KATNAL2: variants seen among roughly 807,000 people sequenced by gnomAD.
The protein encoded by KATNAL2 is katanin catalytic subunit A1 like 2.
Under a neutral mutation model 76.3 loss-of-function variants are expected in KATNAL2, and 52 were observed. That is an observed-to-expected ratio of 0.68 (90% confidence interval 0.55 to 0.86). KATNAL2 has a LOEUF of 0.86. Among genes scored for constraint, KATNAL2 ranks in the 40% least tolerant of loss-of-function variants. The pLI is 0.00. For missense variants in KATNAL2, 660 were observed against 668.9 expected, an observed-to-expected ratio of 0.99 and a Z score of 0.15; for synonymous variants, 243 against 244.2, an observed-to-expected ratio of 1.00 and a Z score of 0.05.
intron 16 of KATNAL2, 105 bp downstream of exon 16, chr18:47,099,510 A>G (rs2063383332): frequency 8.9e-7 from 1 of 1,122,202 alleles, no homozygotes; most frequent in South Asian, 1.7e-5. Flanking sequence ...GACACTTAGA[A>G]TAAGATCCAA....
intron 1 of KATNAL2, among the ~76,000 whole-genome samples, chr18:46,923,447 C>A (rs889110671): frequency 1.3e-5 from 2 of 152,082 alleles, no homozygotes; most frequent in African/African-American, 4.8e-5. Flanking sequence ...ATATGTGCCA[C>A]ATTTTCTTAA....
intron 4 of KATNAL2, 102 bp from the exon 5 acceptor site, chr18:47,052,778 G>A: frequency 2.3e-6 from 2 of 881,556 alleles, no homozygotes; most frequent in Admixed American, 3.0e-5. Context: ...GCTATATATA[G>A]GCTTACTTTT....
intron 1 of KATNAL2, among the ~76,000 whole-genome samples, chr18:46,923,125 A>C (rs1168758521): frequency 1.3e-5 from 2 of 151,138 alleles, no homozygotes; most frequent in Non-Finnish European, 3.0e-5. Context: ...CAGGTTTGTT[A>C]CATATGTATA....
chr18:46,941,629 A>T (rs2146628749), intron 1 of KATNAL2, among the ~76,000 whole-genome samples: 1 of 152,152 alleles, frequency 6.6e-6, no homozygotes, highest in South Asian at 2.1e-4. Context: ...ACAGGGTCTC[A>T]CTCCTGTTGA....
At chr18:46,965,828 C>T in intron 3 of KATNAL2, among the ~76,000 whole-genome samples, 1 of 139,496 alleles carries the variant, frequency 7.2e-6, no homozygotes, top group South Asian at 2.4e-4. Flanking sequence ...GATACTGGTG[C>T]CACGGTTTGG....
At chr18:47,069,371 C>G in intron 12 of KATNAL2, 88 bp downstream of exon 12, 1 of 1,346,238 alleles carries the variant, frequency 7.4e-7, no homozygotes, top group South Asian at 1.3e-5. Context: ...AGGACTGGGG[C>G]ACACGAGAGC....
intron 3 of KATNAL2, chr18:47,032,951 T>C (rs1261826670): frequency 2.5e-6 from 4 of 1,612,908 alleles, no homozygotes; most frequent in South Asian, 1.1e-5. Context: ...CCGCATTGAC[T>C]TTGCCAATGC....
intron 1 of KATNAL2, among the ~76,000 whole-genome samples, chr18:46,919,223 A>G (rs2058368134): frequency 6.6e-6 from 1 of 151,938 alleles, no homozygotes; most frequent in African/African-American, 2.4e-5. Context: ...GCTGTGGCCC[A>G]CGCTCTAAAT....
chr18:47,065,400 C>G (rs2061758029), intron 10 of KATNAL2, among the ~76,000 whole-genome samples: 1 of 140,718 alleles, frequency 7.1e-6, no homozygotes, highest in Admixed American at 7.9e-5. Flanking sequence ...TTCCCAAGAT[C>G]GACTGTGGGA....
intron 1 of KATNAL2, among the ~76,000 whole-genome samples, chr18:46,938,308 A>G (rs1487057480): frequency 6.6e-6 from 1 of 152,198 alleles, no homozygotes; most frequent in Non-Finnish European, 1.5e-5. Context: ...TTACATGTGA[A>G]TGGTGACTAT....
chr18:47,048,917 C>T (rs2061251921), intron 4 of KATNAL2, among the ~76,000 whole-genome samples: 1 of 142,332 alleles, frequency 7.0e-6, no homozygotes, highest in Admixed American at 7.9e-5. Flanking sequence ...TCACTGCAAG[C>T]TCCGCCTCCT....
intron 3 of KATNAL2, among the ~76,000 whole-genome samples, chr18:46,948,359 C>T (rs901141825): frequency 6.6e-6 from 1 of 151,676 alleles, no homozygotes; most frequent in Admixed American, 6.6e-5. Flanking sequence ...CAATCTTCCC[C>T]CCTCAGCCTC....
In KATNAL2 at chr18:46,938,703, C is replaced by G. The variant is rs375762802; in HGVS notation, c.-509-7354C>G. Among the ~76,000 whole-genome samples, 6 of 151,990 alleles carry G rather than the reference C, an allele frequency of 3.9e-5. No individual in the cohort carries two copies. The South Asian group carries it at 6.2e-4, about 16-fold the overall frequency. On this transcript the variant is annotated intron_variant, in intron 1 of 17. Transcript: ENST00000683218. ...ATAAATATAAATTAGATCTCACCAC[C>G]CTCCTATTCAAAATCTTTCAATGGG...
intron 15 of KATNAL2, among the ~76,000 whole-genome samples, chr18:47,086,866 C>T (rs1242472048): frequency 2.6e-5 from 4 of 152,218 alleles, no homozygotes; most frequent in African/African-American, 4.8e-5. Flanking sequence ...GCTTCGTTCA[C>T]ACCTTACTGT....
intron 3 of KATNAL2, chr18:47,033,498 A>G (rs778148126): frequency 6.2e-7 from 1 of 1,614,138 alleles, no homozygotes; most frequent in Admixed American, 1.7e-5. Context: ...AGTCCTGGAA[A>G]CAATGATTCC....
At chr18:47,039,975 A>G (rs186297286) in intron 3 of KATNAL2, among the ~76,000 whole-genome samples, 19 of 152,358 alleles carry the variant, frequency 1.2e-4, no homozygotes, top group Non-Finnish European at 2.8e-4. Flanking sequence ...AGTCTTTAGA[A>G]AAATGTAGAT....
chr18:47,095,170 C>T (rs2063175405), intron 15 of KATNAL2, among the ~76,000 whole-genome samples: 1 of 152,100 alleles, frequency 6.6e-6, no homozygotes, highest in Admixed American at 6.5e-5. Context: ...GGGTTTATGC[C>T]ATTCAAAAAC....
At chr18:47,045,309 T>TTTTTCTTTTC (rs971657545) in intron 3 of KATNAL2, among the ~76,000 whole-genome samples, 4 of 145,048 alleles carry the variant, frequency 2.8e-5, no homozygotes, top group African/African-American at 1.1e-4. Context: ...GGTTTGTTTG[T>TTTTTCTTTTC]TTTTCTTTTC....
intron 3 of KATNAL2, among the ~76,000 whole-genome samples, chr18:47,040,373 T>A (rs974335149): frequency 3.9e-5 from 6 of 152,188 alleles, no homozygotes; most frequent in African/African-American, 1.4e-4. Context: ...TATGAAATGA[T>A]ATAAAGTAGA....
Sources: allele counts gnomAD v4.1 joint callset (sites outside exome capture counted in the v4.1 genomes callset), GRCh38; gene constraint gnomAD v4.1.1; transcripts MANE v1.5; gene names NCBI Gene and HGNC (gene_info 2026-07-23, HGNC 2026-07-21).